Variants in GALNS observed in about 807,000 individuals in gnomAD.
The protein encoded by GALNS is galactosamine (N-acetyl)-6-sulfatase.
GALNS carries 65 observed loss-of-function variants against 65.9 expected under a neutral mutation model. The ratio of observed to expected loss-of-function variants is 0.99; its 90% CI spans 0.81 to 1.21. GALNS has a LOEUF of 1.21. Among genes scored for constraint, GALNS ranks in the 50% most tolerant of loss-of-function variants. The pLI is 0.00. For missense variants in GALNS, 776 were observed against 700.7 expected (o/e 1.11, Z -1.21); for synonymous variants, 346 against 288.9 (o/e 1.20, Z -2.00).
At chr16:88,831,159 C>T (rs1281138892) in intron 9 of GALNS, among the ~76,000 whole-genome samples, 2 of 152,194 alleles carry the variant, frequency 1.3e-5, no homozygotes, top group Admixed American at 6.5e-5. Context: ...TCTGACCAAG[C>T]ACAGCAAGCC....
chr16:88,833,491 G>A (rs557191278), intron 8 of GALNS, among the ~76,000 whole-genome samples: 20 of 140,988 alleles, frequency 1.4e-4, no homozygotes, highest in Admixed American at 9.7e-4. Context: ...TCGCTCTGTC[G>A]CCCAGGCTGG....
intron 5 of GALNS, among the ~76,000 whole-genome samples, chr16:88,837,365 G>A (rs1473698468): frequency 6.6e-6 from 1 of 152,208 alleles, no homozygotes; most frequent in Non-Finnish European, 1.5e-5. Flanking sequence ...TCTGCTGGGG[G>A]CCTTCCTCTC....
In GALNS at chr16:88,841,974, A is replaced by C. The variant is rs775971047; in HGVS notation, c.245-3T>G. On this transcript the variant is annotated splice_polypyrimidine_tract_variant and splice_region_variant and intron_variant, in intron 2 of 13. Coordinates refer to ENST00000268695, the MANE Select transcript of GALNS (RefSeq NM_000512.5). ...TCCTGTGAGCAGTGCCGCCCTCGCT[A>C]TGTGGAGGTGACAGAAACAGAAACT... The C allele has an allele frequency of 6.2e-7, 1 of 1,611,098 alleles. No homozygotes were observed. Among genetic ancestry groups the C allele is most frequent in the Non-Finnish European group, 8.5e-7 (1 of 1,178,636 alleles).
At chr16:88,815,464 G>A (rs751780150) in intron 13 of GALNS, 10 of 985,482 alleles carry the variant, frequency 1.0e-5, no homozygotes, top group Admixed American at 1.2e-4. Context: ...CCCCTCCATC[G>A]CCTGGGTGTG....
chr16:88,827,799 T>G (rs147312650), intron 9 of GALNS, among the ~76,000 whole-genome samples: 1 of 152,058 alleles, frequency 6.6e-6, no homozygotes, highest in African/African-American at 2.4e-5. Context: ...GAGACTGGGG[T>G]GGGGCTGGAG....
chr16:88,842,429 C>A, intron 2 of GALNS: 1 of 553,412 alleles, frequency 1.8e-6, no homozygotes, highest in Non-Finnish European at 3.2e-6. Context: ...AGCACCTCTC[C>A]CCAGGCGGCC....
intron 11 of GALNS, among the ~76,000 whole-genome samples, chr16:88,824,309 C>T (rs1475735091): frequency 2.0e-5 from 3 of 151,976 alleles, no homozygotes; most frequent in Non-Finnish European, 4.4e-5. Flanking sequence ...TAGCCTGGGG[C>T]GGCAGGAGCC....
intron 12 of GALNS, among the ~76,000 whole-genome samples, chr16:88,822,280 G>C (rs1033549969): frequency 1.3e-5 from 2 of 152,192 alleles, no homozygotes; most frequent in African/African-American, 4.8e-5. Context: ...ACTTGCCCCA[G>C]GGCCTGGACC....
chr16:88,842,912 C>T lies in GALNS; in HGVS notation c.121-83G>A, dbSNP rs140360758. 109 of 1,573,400 alleles carry T rather than the reference C, an allele frequency of 6.9e-5. No homozygotes were observed. The African/African-American group carries it at 9.4e-4, about 14-fold the overall frequency. On this transcript the variant is annotated intron_variant, in intron 1 of 13. Transcript: ENST00000268695. ...GGGGAGCTGCCCATGGTGCCAAGAG[C>T]GTGTCGGGGACCGTGGAAGCCAGCA...
At chr16:88,852,040 G>T (rs1318122338) in intron 1 of GALNS, among the ~76,000 whole-genome samples, 1 of 152,202 alleles carries the variant, frequency 6.6e-6, no homozygotes, top group Admixed American at 6.5e-5. Flanking sequence ...CTCTGAGAAC[G>T]GACACATTGC....
chr16:88,830,837 C>T (rs1911425809), intron 9 of GALNS, among the ~76,000 whole-genome samples: 1 of 152,154 alleles, frequency 6.6e-6, no homozygotes, highest in Admixed American at 6.5e-5. Context: ...TGCTGCTGTT[C>T]TCTGAGTGTC....
At position 88,813,755 on chromosome 16, in the gene GALNS, C is replaced by A. The variant is rs1484825404; in HGVS notation, c.*684G>T. ...AAAATCAAGCTGGGAATTAGGCAAACCTGCCTCCCGTTTTATTTCTAAATA... is the reference window on the plus strand; with the variant it reads ...AAAATCAAGCTGGGAATTAGGCAAAACTGCCTCCCGTTTTATTTCTAAATA... On this transcript the variant is annotated 3_prime_UTR_variant, in exon 14 of 14. Coordinates refer to ENST00000268695, the MANE Select transcript of GALNS (RefSeq NM_000512.5). 1 of 152,696 alleles carries A rather than the reference C, an allele frequency of 6.5e-6. No homozygotes were observed. Among genetic ancestry groups the A allele is most frequent in the African/African-American group, 2.4e-5 (1 of 41,576 alleles). The allele number at this position is 152,696 out of a possible 1,614,324, so 9.5% of individuals were successfully genotyped here. A position where few individuals can be genotyped will look rare whatever the true frequency, so the allele number is the denominator to read the frequency against.
intron 13 of GALNS, chr16:88,814,913 G>T: frequency 6.3e-6 from 3 of 477,244 alleles, no homozygotes; most frequent in Non-Finnish European, 5.5e-6. Context: ...TTGTATTTTT[G>T]GTAGAGACAA....
At position 88,817,800 on chromosome 16, in the gene GALNS, C is replaced by T. The variant is rs1407956218; in HGVS notation, c.1482+207G>A. Reference sequence around the variant, plus strand: ...TGGACCTGCGGCTGCCCTGGTGCAGCGTTGTTCTGGTCCCCGAGTCGCTTG... The same window carrying T: ...TGGACCTGCGGCTGCCCTGGTGCAGTGTTGTTCTGGTCCCCGAGTCGCTTG... On this transcript the variant is annotated intron_variant, in intron 13 of 13. Transcript: ENST00000268695. Among the ~76,000 whole-genome samples, 7 of 152,192 alleles carry T rather than the reference C, an allele frequency of 4.6e-5. No homozygotes were observed. In the South Asian group the frequency reaches 6.2e-4, roughly 13 times the overall value.
chr16:88,818,618 A>G (rs1047214377), intron 12 of GALNS, among the ~76,000 whole-genome samples: 1 of 152,190 alleles, frequency 6.6e-6, no homozygotes, highest in African/African-American at 2.4e-5. Context: ...GATTCCTTTC[A>G]TCTTCACGAA....
Position 88,814,575 on chromosome 16 carries a change from T to G in GALNS, c.1483-50A>C, listed in dbSNP as rs1909435999. ...GAACATGCAGTTATTCAAGCTCTTC[T>G]GGACCCAGCAGCAGCGGGCATTTTG... On this transcript the variant is annotated intron_variant, in intron 13 of 13. Transcript: ENST00000268695. 9.0e-6 allele frequency: 14 copies of G among 1,548,918 alleles called. No individual in the cohort carries two copies. The South Asian group carries it at 1.1e-4, about 12-fold the overall frequency.
At chr16:88,840,916 TG>T in intron 4 of GALNS, 75 bp downstream of exon 4, 1 of 1,149,078 alleles carries the variant, frequency 8.7e-7, no homozygotes, top group Non-Finnish European at 1.3e-6. Context: ...TGGAAACTTG[TG>T]GCCATGTCCC....
rs761904994 is a variant in GALNS at position 88,842,147 on chromosome 16, C to T, written c.245-176G>A. 45 of 699,868 alleles carry T rather than the reference C, an allele frequency of 6.4e-5. 1 individual carries two copies. Among genetic ancestry groups the T allele is most frequent in the African/African-American group, 2.3e-4 (13 of 57,156 alleles). The allele number at this position is 699,868 out of a possible 1,614,324, so 43.4% of individuals were successfully genotyped here. ...GCGTCTCCACCACCTGGGTGGGGCA[C>T]GGCACCCATTCCACTGAAAGACGCG... On this transcript the variant is annotated intron_variant, in intron 2 of 13. Transcript: ENST00000268695.
At chr16:88,832,892 G>A (rs760710707) in intron 8 of GALNS, among the ~76,000 whole-genome samples, 1 of 151,902 alleles carries the variant, frequency 6.6e-6, no homozygotes, top group South Asian at 2.1e-4. Context: ...ACCAAAGAGA[G>A]ACCACGGCTA....
Sources: gnomAD v4.1 joint callset for allele counts (sites outside exome capture counted in the v4.1 genomes callset) on GRCh38, gnomAD v4.1.1 for gene constraint, MANE v1.5 for transcripts, NCBI Gene and HGNC (gene_info 2026-07-23, HGNC 2026-07-21) for gene names.